Variants in NEK3 observed in about 807,000 individuals in gnomAD.
The protein encoded by NEK3 is NIMA related kinase 3.
Under a neutral mutation model 66.0 loss-of-function variants are expected in NEK3, and 54 were observed. The ratio of observed to expected loss-of-function variants is 0.82; its 90% confidence interval spans 0.66 to 1.03. The LOEUF is 1.03. Ranked by LOEUF, NEK3 falls within the 50% of genes least tolerant of loss-of-function variation. The pLI is 0.00. For synonymous variants in NEK3, 200 were observed against 206.2 expected, an observed-to-expected ratio of 0.97 and a Z score of 0.26; for missense variants, 593 against 603.0, an observed-to-expected ratio of 0.98 and a Z score of 0.17.
At chr13:52,158,097 G>T (rs1310847106) in intron 1 of NEK3, among the ~76,000 whole-genome samples, 1 of 152,124 alleles carries the variant, frequency 6.6e-6, no homozygotes, top group Non-Finnish European at 1.5e-5. Context: ...GGCTGGGCTC[G>T]AACTCCCGAC....
chr13:52,142,601 G>T (rs115956829), intron 10 of NEK3, among the ~76,000 whole-genome samples: 87 of 152,300 alleles, frequency 5.7e-4, no homozygotes, highest in African/African-American at 1.9e-3. Context: ...ATGGAGAAAA[G>T]GTTGAGTTAT....
chr13:52,158,735 G>C (rs973486449), intron 1 of NEK3, among the ~76,000 whole-genome samples: 1 of 152,172 alleles, frequency 6.6e-6, no homozygotes, highest in African/African-American at 2.4e-5. Context: ...ACCTAATAAA[G>C]TGATTTGCAA....
chr13:52,133,856 T>C (rs773022701), intron 14 of NEK3, 41 bp from the exon 15 acceptor site: 2 of 1,550,510 alleles, frequency 1.3e-6, no homozygotes, highest in Non-Finnish European at 1.7e-6. Flanking sequence ...ATTTAAACAG[T>C]ATTTACTTAT....
At chr13:52,136,952 A>G in intron 11 of NEK3, 50 bp from the exon 12 acceptor site, 1 of 1,278,086 alleles carries the variant, frequency 7.8e-7, no homozygotes, top group Non-Finnish European at 1.1e-6. Flanking sequence ...AATTGCCACA[A>G]AAAGGTAAAC....
Position 52,148,441 on chromosome 13 carries a change from A to T in NEK3, c.577T>A (p.Tyr193Asn). ...SDIWSLGCILYELCTLKHPFQ... is the reference protein window; with the variant it reads ...SDIWSLGCILNELCTLKHPFQ... ...GGATGCTTAAGGGTACAGAGTTCATACAGGATGCAACCCAAGGACCAGATG... is the reference window on the plus strand; with the variant it reads ...GGATGCTTAAGGGTACAGAGTTCATTCAGGATGCAACCCAAGGACCAGATG... The change falls in exon 8 of 16, where the codon TAT becomes AAT. Residue 193 changes from tyrosine (Y) to asparagine (N), a missense_variant. By Grantham distance (143) the Tyr-to-Asn change is moderately radical. Coordinates refer to ENST00000610828, the MANE Select transcript of NEK3 (RefSeq NM_002498.3). 1 of 1,613,772 alleles carries T rather than the reference A, an allele frequency of 6.2e-7. No homozygotes were observed. Among genetic ancestry groups the T allele is most frequent in the Non-Finnish European group, 8.5e-7 (1 of 1,179,738 alleles).
At chr13:52,152,017 C>T (rs1376879200) in intron 5 of NEK3, among the ~76,000 whole-genome samples, 1 of 152,156 alleles carries the variant, frequency 6.6e-6, no homozygotes, top group Non-Finnish European at 1.5e-5. Flanking sequence ...TGTAAGCACA[C>T]TCTACGATGC....
chr13:52,148,429 T>TA lies in NEK3; in HGVS notation c.588dup (p.Thr197TyrfsTer3). ...GCCATACTTACTGGATGCTTAAGGG[T>TA]ACAGAGTTCATACAGGATGCAACCC... On this transcript the variant is annotated frameshift_variant, in exon 8 of 16. Transcript: ENST00000610828. LOFTEE classifies it high-confidence loss of function. 2 of 1,613,440 alleles carry TA rather than the reference T, an allele frequency of 1.2e-6. No individual in the cohort carries two copies. Among genetic ancestry groups the TA allele is most frequent in the Non-Finnish European group, 1.7e-6 (2 of 1,179,560 alleles).
chr13:52,151,272 C>T, intron 6 of NEK3, 40 bp from the exon 7 acceptor site: 2 of 1,595,348 alleles, frequency 1.3e-6, no homozygotes, highest in Non-Finnish European at 1.7e-6. Context: ...ACAGAACATT[C>T]CTGAAAATTG....
chr13:52,155,392 T>C (rs1292751028), intron 2 of NEK3, among the ~76,000 whole-genome samples: 3 of 152,218 alleles, frequency 2.0e-5, no homozygotes, highest in Non-Finnish European at 4.4e-5. Context: ...AAGGTTAGCA[T>C]TCATTCTTCA....
chr13:52,139,335 T>C (rs1956229360), intron 11 of NEK3, among the ~76,000 whole-genome samples: 2 of 152,152 alleles, frequency 1.3e-5, no homozygotes, highest in African/African-American at 2.4e-5. Flanking sequence ...TTACATGAAA[T>C]ACTTAGAATA....
In NEK3 at chr13:52,142,136, A is replaced by G. The variant is rs536194475; in HGVS notation, c.878-1067T>C. Among the ~76,000 whole-genome samples the G allele has an allele frequency of 1.8e-4, 28 of 152,166 alleles. 1 individual carries two copies. The South Asian group carries it at 5.8e-3, about 32-fold the overall frequency. ...TTTAAAAAAAACCCTACATTCTTCC[A>G]AACTACCTTGAAATTTTTTTGTCTC... On this transcript the variant is annotated intron_variant, in intron 10 of 15. Coordinates refer to ENST00000610828, the MANE Select transcript of NEK3 (RefSeq NM_002498.3).
intron 8 of NEK3, among the ~76,000 whole-genome samples, chr13:52,146,021 TTA>T (rs1458001513): frequency 6.6e-6 from 1 of 152,238 alleles, no homozygotes; most frequent in African/African-American, 2.4e-5. Flanking sequence ...GATCTGCATA[TTA>T]TGTTTTTATT....
At position 52,144,812 on chromosome 13, in the gene NEK3, T is replaced by C. The variant is rs1163110162; in HGVS notation, c.683A>G (p.Tyr228Cys). 6.2e-7 allele frequency: 1 copy of C among 1,613,448 alleles called. No individual in the cohort carries two copies. Among genetic ancestry groups the C allele is most frequent in the African/African-American group, 1.3e-5 (1 of 75,004 alleles). Residue 228 changes from tyrosine (Y) to cysteine (C), a missense_variant, in exon 9 of 16, where the codon TAT becomes TGT. Physicochemically the swap from Tyr to Cys is radical, Grantham distance 194. Coordinates refer to ENST00000610828, the MANE Select transcript of NEK3 (RefSeq NM_002498.3). ...CTGCTTGACTAGGAACTGAAGTTCA[T>C]AGGAGTAATGAGACGGCAGTGGACT... ...CISPLPSHYSYELQFLVKQMF... is the reference protein window; with the variant it reads ...CISPLPSHYSCELQFLVKQMF...
intron 8 of NEK3, 56 bp from the exon 9 acceptor site, chr13:52,144,947 A>C: frequency 8.9e-7 from 1 of 1,124,634 alleles, no homozygotes; most frequent in Admixed American, 2.0e-5. Context: ...TGGAAGCAAG[A>C]AACTACCAGT....
chr13:52,149,653 A>G (rs867880521), intron 7 of NEK3, among the ~76,000 whole-genome samples: 1 of 152,066 alleles, frequency 6.6e-6, no homozygotes, highest in South Asian at 2.1e-4. Flanking sequence ...GCAGATCACA[A>G]GGTCAGGAGT....
At position 52,152,706 on chromosome 13, in the gene NEK3, G is replaced by A; in HGVS notation, c.310-14C>T. On this transcript the variant is annotated splice_polypyrimidine_tract_variant and intron_variant, in intron 4 of 15. Coordinates refer to ENST00000610828, the MANE Select transcript of NEK3 (RefSeq NM_002498.3). ...CCAATTAAGTATCTGTAAGAAAAAG[G>A]TATGCAAAATCTTCAAGAATGCAGT... 1 of 1,570,828 alleles carries A rather than the reference G, an allele frequency of 6.4e-7. No individual in the cohort carries two copies. The highest frequency in any genetic ancestry group is 8.7e-7 in the Non-Finnish European group (1 of 1,145,176).
rs949466700 is a variant in NEK3, at chr13:52,136,971, A to G, written c.928-69T>C. On this transcript the variant is annotated intron_variant, in intron 11 of 15. Coordinates refer to ENST00000610828, the MANE Select transcript of NEK3 (RefSeq NM_002498.3). ...GCCACAAAAAGGTAAACAAATATGCAAAGTCAGCCATTTTAATTTCAAATA... is the reference window on the plus strand; with the variant it reads ...GCCACAAAAAGGTAAACAAATATGCGAAGTCAGCCATTTTAATTTCAAATA... The G allele has an allele frequency of 4.0e-5, 40 of 1,008,418 alleles. No homozygotes were observed. In the African/African-American group the frequency reaches 6.1e-4, roughly 15 times the overall value. The allele number at this position is 1,008,418 out of a possible 1,614,324, so 62.5% of individuals were successfully genotyped here. A position where few individuals can be genotyped will look rare whatever the true frequency, so the allele number is the denominator to read the frequency against.
chr13:52,151,780 C>A (rs1367853319), intron 5 of NEK3, among the ~76,000 whole-genome samples: 1 of 152,230 alleles, frequency 6.6e-6, no homozygotes, highest in African/African-American at 2.4e-5. Flanking sequence ...TGCTGCATAA[C>A]CACATTTCAG....
chr13:52,152,519 C>A, intron 5 of NEK3, 90 bp downstream of exon 5: 1 of 720,916 alleles, frequency 1.4e-6, no homozygotes, highest in South Asian at 2.4e-5. Flanking sequence ...CTAAACTAAA[C>A]AAAACTGTCC....
Sources: allele counts gnomAD v4.1 joint callset (sites outside exome capture counted in the v4.1 genomes callset), GRCh38; gene constraint gnomAD v4.1.1; transcripts MANE v1.5; gene names NCBI Gene and HGNC (gene_info 2026-07-23, HGNC 2026-07-21).